Variants in FOXN3 observed in about 807,000 individuals in gnomAD.
FOXN3 encodes forkhead box protein N3.
A neutral mutation model predicts 38.4 loss-of-function variants in FOXN3; 7 were observed. That is an observed-to-expected ratio of 0.18 (90% CI 0.10 to 0.34). FOXN3 has a LOEUF of 0.34. Among genes scored for constraint, FOXN3 ranks in the 10% least tolerant of loss-of-function variants. The probability of loss-of-function intolerance (pLI) is 1.00; values close to 1 mark genes in which losing one functional copy is unlikely to be tolerated. For missense variants in FOXN3, 456 were observed against 613.4 expected (o/e 0.74, Z 2.71); for synonymous variants, 230 against 242.2 (o/e 0.95, Z 0.47).
At chr14:89,312,833 C>T (rs1005626577) in intron 3 of FOXN3, among the ~76,000 whole-genome samples, 3 of 152,176 alleles carry the variant, frequency 2.0e-5, no homozygotes, top group South Asian at 2.1e-4. Flanking sequence ...TATGAGCACT[C>T]GCAGTGATAC....
At chr14:89,200,441 A>T (rs1021993961) in intron 4 of FOXN3, among the ~76,000 whole-genome samples, 2 of 152,150 alleles carry the variant, frequency 1.3e-5, no homozygotes, top group Non-Finnish European at 2.9e-5. Flanking sequence ...CCTGGTGCTG[A>T]GGGCTGTCTC....
chr14:89,180,953 TACAC>T (rs10692634), intron 4 of FOXN3, 147 bp from the exon 5 acceptor site: 31 of 480,496 alleles, frequency 6.5e-5, no homozygotes, highest in South Asian at 3.9e-4. Context: ...CACGTGCACA[TACAC>T]ACACACACAC....
chr14:89,196,120 C>T (rs1888092561), intron 4 of FOXN3, among the ~76,000 whole-genome samples: 1 of 152,204 alleles, frequency 6.6e-6, no homozygotes, highest in South Asian at 2.1e-4. Context: ...ATTGCCTCTT[C>T]TCTGTAGTAC....
At chr14:89,192,632 CTA>C (rs1015924538) in intron 4 of FOXN3, among the ~76,000 whole-genome samples, 1 of 139,594 alleles carries the variant, frequency 7.2e-6, no homozygotes, top group African/African-American at 2.7e-5. Flanking sequence ...ATAATATAAA[CTA>C]TATAAATCTT....
intron 4 of FOXN3, among the ~76,000 whole-genome samples, chr14:89,182,837 G>A (rs1215603888): frequency 2.6e-5 from 4 of 152,186 alleles, no homozygotes; most frequent in Admixed American, 6.5e-5. Flanking sequence ...TGTGGTCAAC[G>A]GATTTTTGAC....
intron 2 of FOXN3, among the ~76,000 whole-genome samples, chr14:89,406,426 T>C (rs1208426378): frequency 6.6e-6 from 1 of 152,010 alleles, no homozygotes; most frequent in East Asian, 1.9e-4. Flanking sequence ...AAAAATAAAT[T>C]AAATCAATAA....
chr14:89,522,758 A>T (rs1894348756), intron 1 of FOXN3, among the ~76,000 whole-genome samples: 1 of 151,838 alleles, frequency 6.6e-6, no homozygotes, highest in African/African-American at 2.4e-5. Context: ...AACAAAGGAG[A>T]TAAAGTAAAA....
chr14:89,512,798 G>A (rs1361797425), intron 1 of FOXN3, among the ~76,000 whole-genome samples: 1 of 152,200 alleles, frequency 6.6e-6, no homozygotes, highest in Admixed American at 6.5e-5. Flanking sequence ...GTACTGTCAG[G>A]TGGTGTGGGG....
At chr14:89,475,801 T>G (rs886615305) in intron 1 of FOXN3, among the ~76,000 whole-genome samples, 1 of 152,344 alleles carries the variant, frequency 6.6e-6, no homozygotes, top group East Asian at 1.9e-4. Context: ...AGTGGGATAA[T>G]GAAGAATCAT....
At chr14:89,375,295 C>G (rs1890445522) in intron 2 of FOXN3, among the ~76,000 whole-genome samples, 1 of 151,920 alleles carries the variant, frequency 6.6e-6, no homozygotes, top group African/African-American at 2.4e-5. Flanking sequence ...TAAATTATGC[C>G]TCAATGAAGT....
chr14:89,404,374 C>T (rs568013300), intron 2 of FOXN3, among the ~76,000 whole-genome samples: 4 of 151,722 alleles, frequency 2.6e-5, no homozygotes, highest in South Asian at 2.1e-4. Flanking sequence ...TGTGGTGGCA[C>T]GCACCTGTAA....
At chr14:89,378,618 C>T (rs1405282777) in intron 2 of FOXN3, among the ~76,000 whole-genome samples, 1 of 151,832 alleles carries the variant, frequency 6.6e-6, no homozygotes, top group Non-Finnish European at 1.5e-5. Context: ...TGCATTTTCT[C>T]CCTTTTGGAA....
At chr14:89,459,143 T>C (rs575545097) in intron 1 of FOXN3, among the ~76,000 whole-genome samples, 1 of 151,706 alleles carries the variant, frequency 6.6e-6, no homozygotes, top group East Asian at 1.9e-4. Flanking sequence ...AGACCTGTGC[T>C]TGGTGAATCA....
chr14:89,221,379 C>T (rs895347613), intron 4 of FOXN3, among the ~76,000 whole-genome samples: 3 of 152,144 alleles, frequency 2.0e-5, no homozygotes, highest in African/African-American at 4.8e-5. Context: ...TACTTAAAAG[C>T]CACCTTCTTT....
chr14:89,325,229 C>CCACCACCACCAT (rs1888019681), intron 3 of FOXN3, among the ~76,000 whole-genome samples: 1 of 112,722 alleles, frequency 8.9e-6, no homozygotes, highest in Admixed American at 8.3e-5. Flanking sequence ...ACCACCACCA[C>CCACCACCACCAT]CATCACTACC....
chr14:89,373,342 T>C (rs1202499550), intron 2 of FOXN3, among the ~76,000 whole-genome samples: 1 of 152,014 alleles, frequency 6.6e-6, no homozygotes, highest in African/African-American at 2.4e-5. Flanking sequence ...AGTTCTATAG[T>C]GGGGTGCTGG....
At chr14:89,606,919 G>T (rs1444940351) in intron 1 of FOXN3, among the ~76,000 whole-genome samples, 1 of 152,102 alleles carries the variant, frequency 6.6e-6, no homozygotes, top group African/African-American at 2.4e-5. Flanking sequence ...AACAATTCTG[G>T]CTTGACTCAA....
At position 89,159,227 on chromosome 14, in the gene FOXN3, A is replaced by G. The variant is rs1260443989; in HGVS notation, c.*3187T>C. 6.6e-6 allele frequency: 1 copy of G among 152,640 alleles called. No homozygotes were observed. 9.5% of individuals were successfully genotyped at this position (152,640 alleles called of 1,614,324 possible). Reference sequence around the variant, plus strand: ...ATTCACTACAAACAGCCACATACACATTGATACTTTTTGTTTTTGTTCTCA... The same window carrying G: ...ATTCACTACAAACAGCCACATACACGTTGATACTTTTTGTTTTTGTTCTCA... On this transcript the variant is annotated 3_prime_UTR_variant, in exon 6 of 6. Coordinates refer to ENST00000557258, the MANE Select transcript of FOXN3 (RefSeq NM_005197.4).
intron 4 of FOXN3, among the ~76,000 whole-genome samples, chr14:89,261,591 C>T (rs1320961528): frequency 2.0e-5 from 3 of 151,706 alleles, no homozygotes; most frequent in East Asian, 1.9e-4. Flanking sequence ...GTCAGGAGTT[C>T]GAGACCAGCC....
Sources: gnomAD v4.1 joint callset for allele counts (sites outside exome capture counted in the v4.1 genomes callset) on GRCh38, gnomAD v4.1.1 for gene constraint, MANE v1.5 for transcripts, NCBI Gene and HGNC (gene_info 2026-07-23, HGNC 2026-07-21) for gene names.